GARS1: variants seen among roughly 807,000 people sequenced by gnomAD.
GARS1 encodes glycyl-tRNA synthetase 1.
In GARS1, 46 loss-of-function variants were observed where a neutral mutation model predicts 86.4. The observed-to-expected ratio is 0.53, with a 90% confidence interval of 0.42 to 0.68. The LOEUF (loss-of-function observed/expected upper bound fraction) is 0.68. Among genes scored for constraint, GARS1 ranks in the 30% least tolerant of loss-of-function variants. The pLI, the probability that GARS1 is intolerant of heterozygous loss-of-function variation, is 0.00. For synonymous variants in GARS1, 342 were observed against 329.8 expected (o/e 1.04, Z -0.40); for missense variants, 797 against 915.6 (o/e 0.87, Z 1.67).
chr7:30,632,262 G>A lies in GARS1; in HGVS notation c.1919G>A (p.Arg640Lys). The change falls in exon 16 of 17, where the codon AGG becomes AAG. Residue 640 changes from arginine (R) to lysine (K), a missense_variant. By Grantham distance (26) the Arg-to-Lys change is conservative. Transcript: ENST00000389266. The surrounding 1 kb of genome is among the most constrained non-coding windows in gnomAD (Gnocchi z 4.1). ...FVKELSEALT[R>K]HGVSHKVDDS... is the part of the protein sequence containing the mutation. ...TTTTGGATAGCGGAAGCCCTGACCA[G>A]GCATGGAGTATCTCACAAAGTAGAC... The A allele has an allele frequency of 8.1e-6, 13 of 1,614,114 alleles. No individual in the cohort carries two copies. Among genetic ancestry groups the A allele is most frequent in the Middle Eastern group, 1.6e-4 (1 of 6,062 alleles).
intron 16 of GARS1, 86 bp from the exon 17 acceptor site, chr7:30,633,649 T>C: frequency 1.3e-6 from 2 of 1,512,952 alleles, no homozygotes; most frequent in Non-Finnish European, 1.8e-6. Flanking sequence ...TGGCTCTGTG[T>C]AAGGTTTCCT....
chr7:30,621,576 C>A, intron 11 of GARS1, 76 bp downstream of exon 11: 1 of 1,044,000 alleles, frequency 9.6e-7, no homozygotes, highest in Non-Finnish European at 1.5e-6. Context: ...CAAGTCTTTA[C>A]CTTGTTCTAT....
intron 8 of GARS1, among the ~76,000 whole-genome samples, chr7:30,613,407 GTTTTTGTT>G (rs1782817991): frequency 6.6e-6 from 1 of 152,192 alleles, no homozygotes; most frequent in Non-Finnish European, 1.5e-5. Context: ...GTGTCTGAGT[GTTTTTGTT>G]TTTTTGTTTT....
At chr7:30,610,262 C>T (rs929155395) in intron 7 of GARS1, among the ~76,000 whole-genome samples, 3 of 152,122 alleles carry the variant, frequency 2.0e-5, no homozygotes, top group African/African-American at 7.2e-5. Context: ...TGCCTGGTGT[C>T]CTACCATATT....
In GARS1 at chr7:30,632,375, A is replaced by G; in HGVS notation, c.2032A>G (p.Asn678Asp). The change falls in exon 16 of 17, where the codon AAC becomes GAC. Residue 678 changes from asparagine (N) to aspartate (D), a missense_variant. By Grantham distance (23) the Asn-to-Asp change is conservative. Around this residue, in one of 2 missense-constraint regions of GARS1, gnomAD observed 598 missense variants for 738.7 expected, o/e 0.81. Coordinates refer to ENST00000389266, the MANE Select transcript of GARS1 (RefSeq NM_002047.4). This position sits in a 1 kb window ranked among gnomAD's most constrained non-coding sequence, Gnocchi z 4.1. ...TGTCACCATTGACTTTGACACAGTG[A>G]ACAAGACCCCCCACACTGCAACTCT... ...FGVTIDFDTV[N>D]KTPHTATLRD... 1.2e-6 allele frequency: 2 copies of G among 1,614,164 alleles called. No individual in the cohort carries two copies. The highest frequency in any genetic ancestry group is 1.7e-6 in the Non-Finnish European group (2 of 1,180,010).
At chr7:30,628,962 G>A (rs988903768) in intron 14 of GARS1, among the ~76,000 whole-genome samples, 2 of 152,126 alleles carry the variant, frequency 1.3e-5, no homozygotes, top group African/African-American at 4.8e-5. Flanking sequence ...TGGAAGGAAT[G>A]GTACTTTCTG....
At chr7:30,594,840 G>C, upstream of GARS1, 2 of 1,236,798 alleles carry the variant, frequency 1.6e-6, no homozygotes, top group Non-Finnish European at 2.2e-6. Context: ...TCGTTTACGC[G>C]GCGATTTCAT....
chr7:30,613,804 G>C (rs1782826039), intron 8 of GARS1, among the ~76,000 whole-genome samples: 1 of 152,210 alleles, frequency 6.6e-6, no homozygotes, highest in African/African-American at 2.4e-5. Flanking sequence ...CCTGGCTTTT[G>C]TTCCATGGTA....
chr7:30,609,527 T>C, intron 6 of GARS1, 58 bp from the exon 7 acceptor site: 2 of 1,449,732 alleles, frequency 1.4e-6, no homozygotes, highest in Non-Finnish European at 1.9e-6. Flanking sequence ...TATAATACTT[T>C]ATATCTTATG....
Position 30,633,888 on chromosome 7 carries a change from T to G in GARS1, c.*28T>G. 1 of 1,539,726 alleles carries G rather than the reference T, an allele frequency of 6.5e-7. No individual in the cohort carries two copies. The highest frequency in any genetic ancestry group is 8.8e-7 in the Non-Finnish European group (1 of 1,141,714). On this transcript the variant is annotated 3_prime_UTR_variant, in exon 17 of 17. Coordinates refer to ENST00000389266, the MANE Select transcript of GARS1 (RefSeq NM_002047.4). ...ACAATTTTGACAACTTTTGACCACTTGCGCTAATAAAAAAAAAAAAAAACT... is the reference window on the plus strand; with the variant it reads ...ACAATTTTGACAACTTTTGACCACTGGCGCTAATAAAAAAAAAAAAAAACT...
At chr7:30,607,894 A>T (rs979376564) in intron 6 of GARS1, among the ~76,000 whole-genome samples, 1 of 152,162 alleles carries the variant, frequency 6.6e-6, no homozygotes, top group African/African-American at 2.4e-5. Context: ...ACAAAGACAT[A>T]TAGATATTTG....
chr7:30,601,214 T>C lies in GARS1; in HGVS notation c.569+14T>C. ...GCCAGTTTTAAAGTGAGATCTTACT[T>C]TGGAGTGGGGGTATCCTACTTTAAA... On this transcript the variant is annotated intron_variant, in intron 4 of 16. Transcript: ENST00000389266. 3 of 1,612,068 alleles carry C rather than the reference T, an allele frequency of 1.9e-6. No homozygotes were observed. Among genetic ancestry groups the C allele is most frequent in the Non-Finnish European group, 2.5e-6 (3 of 1,178,284 alleles).
At chr7:30,619,826 G>A (rs1238520178) in intron 10 of GARS1, among the ~76,000 whole-genome samples, 2 of 135,488 alleles carry the variant, frequency 1.5e-5, no homozygotes, top group Non-Finnish European at 3.1e-5. Flanking sequence ...CACCCAGGCT[G>A]GAGTGCAGTG....
intron 1 of GARS1, 143 bp from the exon 2 acceptor site, chr7:30,598,653 G>A (rs1791311127): frequency 2.9e-6 from 2 of 696,888 alleles, no homozygotes; most frequent in Admixed American, 4.1e-5. Context: ...CAAAGTGCTG[G>A]TATTACAGGC....
chr7:30,603,481 A>G lies in GARS1; in HGVS notation c.659-15A>G. ...TTTTCCCATTGATTGATATATGTCA[A>G]CACTGTTCTTACAGCTCATTTACAG... is the stretch of plus-strand genomic sequence containing the variant. On this transcript the variant is annotated splice_polypyrimidine_tract_variant and intron_variant, in intron 5 of 16. Coordinates refer to ENST00000389266, the MANE Select transcript of GARS1 (RefSeq NM_002047.4). 1 of 1,604,098 alleles carries G rather than the reference A, an allele frequency of 6.2e-7. No individual in the cohort carries two copies. Among genetic ancestry groups the G allele is most frequent in the Non-Finnish European group, 8.5e-7 (1 of 1,171,520 alleles).
intron 1 of GARS1, among the ~76,000 whole-genome samples, chr7:30,598,377 C>CTTTTTTTTTTTTT (rs1174085518): frequency 1.0e-5 from 1 of 99,612 alleles, no homozygotes; most frequent in Non-Finnish European, 2.0e-5. Flanking sequence ...TTGCATCATT[C>CTTTTTTTTTTTTT]TTTTTTTTTT....
Position 30,631,500 on chromosome 7 carries a change from T to C in GARS1, c.1862T>C (p.Leu621Pro). Residue 621 changes from leucine to proline, a missense_variant, in exon 15 of 17, where the codon CTG becomes CCG. Around this residue, in one of 2 missense-constraint regions of GARS1, gnomAD observed 598 missense variants for 738.7 expected, o/e 0.81. Coordinates refer to ENST00000389266, the MANE Select transcript of GARS1 (RefSeq NM_002047.4). ...VAPFKCSVLPLSQNQEFMPFV... is the reference protein window; with the variant it reads ...VAPFKCSVLPPSQNQEFMPFV... ...CCATTCAAATGTTCCGTCCTCCCAC[T>C]GAGCCAAAACCAGGAGTTCATGCCA... 1.2e-6 allele frequency: 2 copies of C among 1,613,804 alleles called. No individual in the cohort carries two copies. The highest frequency in any genetic ancestry group is 1.7e-6 in the Non-Finnish European group (2 of 1,179,752).
At chr7:30,608,672 T>C (rs1397916025) in intron 6 of GARS1, among the ~76,000 whole-genome samples, 2 of 152,228 alleles carry the variant, frequency 1.3e-5, no homozygotes, top group East Asian at 3.8e-4. Flanking sequence ...CTTTATTGAG[T>C]AGTTATTATG....
intron 6 of GARS1, among the ~76,000 whole-genome samples, chr7:30,606,789 T>C (rs373595556): frequency 6.6e-6 from 1 of 152,230 alleles, no homozygotes; most frequent in African/African-American, 2.4e-5. Flanking sequence ...TGATCACTAA[T>C]TATAAACCTT....
Sources: gnomAD v4.1 joint callset for allele counts (sites outside exome capture counted in the v4.1 genomes callset) on GRCh38, gnomAD v4.1.1 for gene constraint, gnomAD v4.1.1 regional missense constraint, Gnocchi (gnomAD v3.1) non-coding constraint, MANE v1.5 for transcripts, NCBI Gene and HGNC (gene_info 2026-07-23, HGNC 2026-07-21) for gene names.